VPS13D: variants seen among roughly 807,000 people sequenced by gnomAD.
VPS13D encodes the protein intermembrane lipid transfer protein VPS13D.
VPS13D carries 187 observed loss-of-function variants against 461.9 expected under a neutral mutation model. The ratio of observed to expected loss-of-function variants is 0.40; its 90% confidence interval spans 0.36 to 0.46. The LOEUF (loss-of-function observed/expected upper bound fraction) is 0.46, where lower values mean the gene tolerates loss of function less well. VPS13D is among the 20% of genes least tolerant of loss of function. The pLI, the probability that VPS13D is intolerant of heterozygous loss-of-function variation, is 0.60. For missense variants in VPS13D, 4,711 were observed against 5,364.9 expected (o/e 0.88, Z 3.81); for synonymous variants, 1,951 against 1,986.3 (o/e 0.98, Z 0.47).
rs567146833 is a variant in VPS13D at position 12,340,642 on chromosome 1, C to G, written c.8627-1138C>G. 2.3e-3 allele frequency among the ~76,000 whole-genome samples: 344 copies of G among 152,330 alleles called. 1 individual carries two copies. The highest frequency in any genetic ancestry group is 7.8e-3 in the African/African-American group (326 of 41,570). ...GAATTCAGTTTTGCCTTAGTGTTCT[C>G]TGCAGTTAGCATTTGCAGCTTCCTG... is the stretch of plus-strand genomic sequence containing the variant. On this transcript the variant is annotated intron_variant, in intron 40 of 69. Transcript: ENST00000620676.
At chr1:12,401,488 T>C in intron 61 of VPS13D, 120 bp from the exon 62 acceptor site, 2 of 631,318 alleles carry the variant, frequency 3.2e-6, no homozygotes, top group Non-Finnish European at 2.7e-6. Context: ...TAATTTGGCA[T>C]TATAGTTATA....
chr1:12,477,834 C>T (rs1183447999), intron 67 of VPS13D, among the ~76,000 whole-genome samples: 1 of 151,902 alleles, frequency 6.6e-6, no homozygotes, highest in Non-Finnish European at 1.5e-5. Context: ...AGCTAGTAAC[C>T]AGGGTTGGCA....
intron 67 of VPS13D, among the ~76,000 whole-genome samples, chr1:12,475,371 G>A (rs1041876904): frequency 6.6e-6 from 1 of 152,186 alleles, no homozygotes; most frequent in Non-Finnish European, 1.5e-5. Context: ...ATAACTAGTT[G>A]TGTAACTTCC....
At chr1:12,323,919 T>C in intron 35 of VPS13D, 139 bp downstream of exon 35, 3 of 824,702 alleles carry the variant, frequency 3.6e-6, no homozygotes, top group Non-Finnish European at 5.9e-6. Flanking sequence ...CTGGACTGCA[T>C]ATCATCTTAG....
At chr1:12,249,763 AAC>A (rs1016479183) in intron 6 of VPS13D, among the ~76,000 whole-genome samples, 4 of 152,068 alleles carry the variant, frequency 2.6e-5, no homozygotes, top group Non-Finnish European at 5.9e-5. Context: ...CTTGTCTCAA[AAC>A]ACACTCTGTT....
intron 55 of VPS13D, among the ~76,000 whole-genome samples, chr1:12,376,368 C>G (rs186855376): frequency 2.4e-4 from 37 of 152,310 alleles, no homozygotes; most frequent in Admixed American, 9.2e-4. Context: ...TTTCAACTGA[C>G]CTCCCAGGTT....
chr1:12,463,961 C>T (rs963856280), intron 67 of VPS13D, among the ~76,000 whole-genome samples: 12 of 152,114 alleles, frequency 7.9e-5, no homozygotes, highest in African/African-American at 2.9e-4. Flanking sequence ...AATGTGGAAG[C>T]TATAAAGAAC....
In VPS13D at chr1:12,311,863, G is replaced by A; in HGVS notation, c.6873G>A (p.Met2291Ile). The A allele has an allele frequency of 6.2e-7, 1 of 1,614,144 alleles. No individual in the cohort carries two copies. The highest frequency in any genetic ancestry group is 8.5e-7 in the Non-Finnish European group (1 of 1,180,006). Residue 2291 changes from methionine to isoleucine, a missense_variant, in exon 29 of 70, where the codon ATG becomes ATA. Around this residue, in one of 3 missense-constraint regions of VPS13D, gnomAD observed 4,411 missense variants for 4,937.8 expected, o/e 0.89. Coordinates refer to ENST00000620676, the MANE Select transcript of VPS13D (RefSeq NM_015378.4). Reference protein sequence around the residue: ...VYTCMCFLIDMVNVSLELKDP... With the variant: ...VYTCMCFLIDIVNVSLELKDP... The stretch of plus-strand genomic sequence containing the variant: ...CCTGTATGTGCTTCCTCATTGATAT[G>A]GTGAATGTAAGTCTGGAGCTTAAAG...
At chr1:12,398,337 G>A (rs1202498705) in intron 60 of VPS13D, among the ~76,000 whole-genome samples, 1 of 152,014 alleles carries the variant, frequency 6.6e-6, no homozygotes, top group African/African-American at 2.4e-5. Flanking sequence ...CTGTGCGAAT[G>A]AGGGCAAGTA....
chr1:12,410,768 G>A (rs1287213848), intron 63 of VPS13D, among the ~76,000 whole-genome samples: 1 of 152,072 alleles, frequency 6.6e-6, no homozygotes, highest in Non-Finnish European at 1.5e-5. Context: ...TATGTAAGAA[G>A]GCTAATATAA....
At chr1:12,487,386 G>A (rs1345147807) in intron 67 of VPS13D, among the ~76,000 whole-genome samples, 4 of 152,024 alleles carry the variant, frequency 2.6e-5, no homozygotes, top group East Asian at 1.9e-4. Context: ...CGAGGTGGGC[G>A]GATCACAAGG....
chr1:12,465,703 A>C (rs1246302797), intron 67 of VPS13D, among the ~76,000 whole-genome samples: 2 of 152,218 alleles, frequency 1.3e-5, no homozygotes, highest in Non-Finnish European at 2.9e-5. Context: ...TAGATGTGAA[A>C]TGGAAATGGG....
At chr1:12,288,662 T>A (rs1642041771) in intron 22 of VPS13D, among the ~76,000 whole-genome samples, 2 of 151,586 alleles carry the variant, frequency 1.3e-5, no homozygotes, top group African/African-American at 4.9e-5. Context: ...TGGTTCAAAT[T>A]GGGATATTTT....
chr1:12,301,533 C>T (rs1444129539), intron 25 of VPS13D, among the ~76,000 whole-genome samples: 1 of 152,204 alleles, frequency 6.6e-6, no homozygotes, highest in East Asian at 1.9e-4. Flanking sequence ...AGCTTTTGTG[C>T]CATGGAATTG....
At chr1:12,342,501 T>C (rs1228971441) in intron 41 of VPS13D, among the ~76,000 whole-genome samples, 2 of 152,258 alleles carry the variant, frequency 1.3e-5, no homozygotes, top group East Asian at 3.8e-4. Flanking sequence ...ATCCATTGAT[T>C]TGAAATCACA....
rs113915443 is a variant in VPS13D at position 12,347,585 on chromosome 1, ACT to A, written c.9069+936_9069+937del. Among the ~76,000 whole-genome samples, 258 of 152,172 alleles carry A rather than the reference ACT, an allele frequency of 1.7e-3. 3 individuals carry two copies. Among genetic ancestry groups the A allele is most frequent in the African/African-American group, 6.0e-3 (247 of 41,506 alleles). ...CCTAGGATTGTGTCCTTCTAAAAAC[ACT>A]CTAGAAAATTGTAGTTTGCCTTTTT... On this transcript the variant is annotated intron_variant, in intron 44 of 69. Transcript: ENST00000620676.
chr1:12,355,357 A>T (rs1329040470), intron 47 of VPS13D, among the ~76,000 whole-genome samples: 1 of 152,228 alleles, frequency 6.6e-6, no homozygotes, highest in Admixed American at 6.5e-5. Flanking sequence ...GCAACACTTG[A>T]AACAAAGAGG....
chr1:12,401,780 G>C, intron 62 of VPS13D, 76 bp downstream of exon 62: 1 of 1,270,698 alleles, frequency 7.9e-7, no homozygotes, highest in Non-Finnish European at 1.1e-6. Flanking sequence ...TGTAAAAATA[G>C]GTAGCCCCTT....
At chr1:12,234,579 C>A (rs1030178108) in intron 2 of VPS13D, among the ~76,000 whole-genome samples, 48 of 152,098 alleles carry the variant, frequency 3.2e-4, no homozygotes, top group Non-Finnish European at 5.7e-4. Context: ...TATTAAAAAA[C>A]AAAAACAAAA....
Sources: gnomAD v4.1 joint callset for allele counts (sites outside exome capture counted in the v4.1 genomes callset) on GRCh38, gnomAD v4.1.1 for gene constraint, gnomAD v4.1.1 regional missense constraint, MANE v1.5 for transcripts, NCBI Gene and HGNC (gene_info 2026-07-23, HGNC 2026-07-21) for gene names.